Variants in OPCML observed in about 807,000 individuals in gnomAD.
The protein encoded by OPCML is opioid-binding protein/cell adhesion molecule.
OPCML carries 13 observed loss-of-function variants against 37.8 expected under a neutral mutation model. That is an observed-to-expected ratio of 0.34 (90% CI 0.22 to 0.55). OPCML has a LOEUF of 0.55. Among genes scored for constraint, OPCML ranks in the 20% least tolerant of loss-of-function variants. The pLI is 0.91. For missense variants in OPCML, 341 were observed against 435.6 expected (o/e 0.78, Z 1.93); for synonymous variants, 176 against 168.8 (o/e 1.04, Z -0.33).
chr11:133,036,494 A>T (rs1192249002), intron 1 of OPCML, among the ~76,000 whole-genome samples: 2 of 152,348 alleles, frequency 1.3e-5, no homozygotes, highest in African/African-American at 2.4e-5. Flanking sequence ...ACCCACATTC[A>T]ATCATCAAAC....
chr11:133,158,765 A>T (rs946055583), intron 1 of OPCML, among the ~76,000 whole-genome samples: 11 of 150,362 alleles, frequency 7.3e-5, no homozygotes, highest in African/African-American at 2.2e-4. Flanking sequence ...AATGAAAATT[A>T]AAAAAAATTT....
rs56882175 is a variant in OPCML, at chr11:132,975,529, C to CAAAAAAAAAA, written c.62-32529_62-32520dup. Among the ~76,000 whole-genome samples, 21 of 42,798 alleles carry CAAAAAAAAAA rather than the reference C, an allele frequency of 4.9e-4. 2 individuals carry two copies. Among genetic ancestry groups the CAAAAAAAAAA allele is most frequent in the Middle Eastern group, 0.043 (2 of 46 alleles). 28.1% of individuals were successfully genotyped at this position (42,798 alleles called of 152,430 possible). On this transcript the variant is annotated intron_variant, in intron 1 of 7. Transcript: ENST00000524381. ...CTGGATGTCCCATCCAGGTTTCAAGCAAAAAAAAAAAAAAAAAAAAAAAAA... is the reference window on the plus strand; with the variant it reads ...CTGGATGTCCCATCCAGGTTTCAAGCAAAAAAAAAAAAAAAAAAAAAAAAAAAAAAAAAAA...
At chr11:132,974,988 A>C (rs7938703) in intron 1 of OPCML, among the ~76,000 whole-genome samples, 1 of 151,314 alleles carries the variant, frequency 6.6e-6, no homozygotes, top group African/African-American at 2.4e-5. Flanking sequence ...TAATTCACTA[A>C]TCAGTCTCTT....
At chr11:132,570,802 T>TATATATATA (rs1591566397) in intron 3 of OPCML, among the ~76,000 whole-genome samples, 2 of 82,186 alleles carry the variant, frequency 2.4e-5, no homozygotes, top group Admixed American at 1.1e-4. Flanking sequence ...TATATATATA[T>TATATATATA]TTAGAGAGAG....
chr11:132,583,342 A>G (rs1371477800), intron 3 of OPCML, among the ~76,000 whole-genome samples: 1 of 152,148 alleles, frequency 6.6e-6, no homozygotes, highest in African/African-American at 2.4e-5. Flanking sequence ...TCTGTTGGCC[A>G]GACTGGAGTG....
At chr11:133,339,701 C>T (rs1166801164) in intron 1 of OPCML, among the ~76,000 whole-genome samples, 2 of 152,186 alleles carry the variant, frequency 1.3e-5, no homozygotes, top group African/African-American at 4.8e-5. Flanking sequence ...TCTCCTGGAC[C>T]TCATGGCACA....
chr11:132,899,516 A>T (rs1290754236), intron 2 of OPCML, among the ~76,000 whole-genome samples: 1 of 152,202 alleles, frequency 6.6e-6, no homozygotes, highest in Non-Finnish European at 1.5e-5. Flanking sequence ...TCACCACGTT[A>T]GGTGGAACTA....
intron 1 of OPCML, among the ~76,000 whole-genome samples, chr11:133,058,386 T>G (rs1184564416): frequency 6.6e-6 from 1 of 152,116 alleles, no homozygotes; most frequent in East Asian, 1.9e-4. Context: ...TGTGTTTGCA[T>G]GTTTGCAGAC....
chr11:133,500,358 TAACTCCTGTC>T (rs1947884921), intron 1 of OPCML, among the ~76,000 whole-genome samples: 1 of 152,190 alleles, frequency 6.6e-6, no homozygotes, highest in Non-Finnish European at 1.5e-5. Context: ...GTGGATGGAT[TAACTCCTGTC>T]ACCAAGAGAA....
At chr11:132,783,279 A>C (rs1419366285) in intron 2 of OPCML, among the ~76,000 whole-genome samples, 1 of 152,116 alleles carries the variant, frequency 6.6e-6, no homozygotes, top group Admixed American at 6.6e-5. Context: ...ATTTGCCTTC[A>C]TGACTTCCAG....
intron 1 of OPCML, among the ~76,000 whole-genome samples, chr11:133,453,007 C>T (rs1222792444): frequency 6.6e-6 from 1 of 152,188 alleles, no homozygotes; most frequent in Non-Finnish European, 1.5e-5. Flanking sequence ...GTCCAGATCC[C>T]TGTTTACTTA....
chr11:133,364,038 C>T (rs953021838), intron 1 of OPCML, among the ~76,000 whole-genome samples: 1 of 152,214 alleles, frequency 6.6e-6, no homozygotes, highest in African/African-American at 2.4e-5. Flanking sequence ...ACTCCTCCCG[C>T]TTCTCAGACT....
At chr11:133,374,294 A>T (rs1944748111) in intron 1 of OPCML, among the ~76,000 whole-genome samples, 1 of 152,216 alleles carries the variant, frequency 6.6e-6, no homozygotes, top group South Asian at 2.1e-4. Context: ...AGTGTCTGGA[A>T]ATAGAATGTA....
intron 1 of OPCML, among the ~76,000 whole-genome samples, chr11:132,955,883 A>G (rs1044484644): frequency 1.3e-5 from 2 of 152,198 alleles, no homozygotes; most frequent in African/African-American, 4.8e-5. Context: ...ACACCATCTC[A>G]AAAACAAAAC....
intron 1 of OPCML, among the ~76,000 whole-genome samples, chr11:133,261,563 C>G (rs1281869609): frequency 6.6e-6 from 1 of 152,180 alleles, no homozygotes; most frequent in African/African-American, 2.4e-5. Flanking sequence ...GCATCCGTCT[C>G]TACCTTTGGA....
chr11:133,447,931 T>C (rs1022553387), intron 1 of OPCML, among the ~76,000 whole-genome samples: 4 of 152,220 alleles, frequency 2.6e-5, no homozygotes, highest in Admixed American at 1.3e-4. Context: ...ATATATTCTA[T>C]GTATAAGTGT....
chr11:132,510,051 G>A (rs1429372680), intron 4 of OPCML, among the ~76,000 whole-genome samples: 1 of 152,218 alleles, frequency 6.6e-6, no homozygotes, highest in Non-Finnish European at 1.5e-5. Context: ...CCAAGACCAT[G>A]GGAACCCACC....
At chr11:132,621,089 T>G (rs1160619434) in intron 3 of OPCML, among the ~76,000 whole-genome samples, 1 of 152,270 alleles carries the variant, frequency 6.6e-6, no homozygotes, top group Non-Finnish European at 1.5e-5. Flanking sequence ...GTGCATTTAA[T>G]GTGGTTAGCT....
chr11:133,460,104 C>T (rs1946825287), intron 1 of OPCML, among the ~76,000 whole-genome samples: 1 of 151,884 alleles, frequency 6.6e-6, no homozygotes, highest in African/African-American at 2.4e-5. Context: ...AGTTCATCAA[C>T]ATACCTTTAA....
Sources: allele counts gnomAD v4.1 joint callset (sites outside exome capture counted in the v4.1 genomes callset), GRCh38; gene constraint gnomAD v4.1.1; transcripts MANE v1.5; gene names NCBI Gene and HGNC (gene_info 2026-07-23, HGNC 2026-07-21).